TNR: variants seen among roughly 807,000 people sequenced by gnomAD.
TNR encodes tenascin R.
In TNR, 45 loss-of-function variants were observed where a neutral mutation model predicts 150.4. That is an observed-to-expected ratio of 0.30 (90% CI 0.24 to 0.38). TNR has a LOEUF of 0.38. Among genes scored for constraint, TNR ranks in the 10% least tolerant of loss-of-function variants. The probability of loss-of-function intolerance (pLI) is 1.00; values close to 1 mark genes in which losing one functional copy is unlikely to be tolerated. For synonymous variants in TNR, 687 were observed against 678.4 expected (o/e 1.01, Z -0.20); for missense variants, 1,544 against 1,759.1 (o/e 0.88, Z 2.19).
intron 1 of TNR, among the ~76,000 whole-genome samples, chr1:175,661,227 C>A (rs570265963): frequency 4.6e-5 from 7 of 152,320 alleles, no homozygotes; most frequent in African/African-American, 1.7e-4. Context: ...CTCGCTGAGG[C>A]ACCAGACACA....
At chr1:175,421,662 A>G (rs1402721243) in intron 2 of TNR, among the ~76,000 whole-genome samples, 1 of 152,238 alleles carries the variant, frequency 6.6e-6, no homozygotes, top group South Asian at 2.1e-4. Flanking sequence ...TATTAAGTCA[A>G]CAAGGAATAT....
At chr1:175,522,078 T>C (rs1157513397) in intron 2 of TNR, among the ~76,000 whole-genome samples, 1 of 152,200 alleles carries the variant, frequency 6.6e-6, no homozygotes, top group African/African-American at 2.4e-5. Flanking sequence ...TAATTTTCCT[T>C]TAGCTGCCTT....
intron 2 of TNR, among the ~76,000 whole-genome samples, chr1:175,446,994 A>G (rs768100447): frequency 2.6e-5 from 4 of 152,092 alleles, no homozygotes; most frequent in Non-Finnish European, 5.9e-5. Flanking sequence ...GTATGGGCAT[A>G]TGTGTTATGT....
intron 4 of TNR, among the ~76,000 whole-genome samples, chr1:175,402,115 G>A (rs1415127978): frequency 4.0e-5 from 6 of 151,578 alleles, no homozygotes; most frequent in Admixed American, 3.9e-4. Context: ...AGACCATCCT[G>A]GCTAACAAGG....
chr1:175,696,324 C>T (rs1183527314), intron 1 of TNR, among the ~76,000 whole-genome samples: 2 of 150,312 alleles, frequency 1.3e-5, no homozygotes, highest in East Asian at 3.9e-4. Context: ...CTGGGAGTGC[C>T]ATTCCTCCTT....
At chr1:175,595,060 A>G (rs567421277) in intron 1 of TNR, among the ~76,000 whole-genome samples, 29 of 151,656 alleles carry the variant, frequency 1.9e-4, no homozygotes, top group Non-Finnish European at 2.2e-4. Context: ...CCAGCTACTC[A>G]GGAGGCTGAG....
intron 2 of TNR, among the ~76,000 whole-genome samples, chr1:175,451,268 C>T (rs1009246891): frequency 4.7e-5 from 7 of 149,828 alleles, no homozygotes; most frequent in African/African-American, 1.7e-4. Flanking sequence ...ACGTGCACAA[C>T]GTGCAGGTTT....
intron 21 of TNR, 100 bp downstream of exon 21, chr1:175,329,974 C>T (rs1649638368): frequency 4.7e-6 from 6 of 1,282,778 alleles, no homozygotes; most frequent in Non-Finnish European, 1.0e-6. Flanking sequence ...TGCTGGAACT[C>T]TGTGGGTGCT....
chr1:175,599,219 GTCAGCT>G lies in TNR; in HGVS notation c.-164-70856_-164-70851del, dbSNP rs1663129606. Among the ~76,000 whole-genome samples the G allele has an allele frequency of 6.6e-6, 1 of 152,214 alleles. No individual in the cohort carries two copies. Among genetic ancestry groups the G allele is most frequent in the Admixed American group, 6.5e-5 (1 of 15,286 alleles). The stretch of plus-strand genomic sequence containing the variant: ...TGTCCCCAGCTGCCAGATGGGAAGT[GTCAGCT>G]TGGCCTTGGCCACCTCGGGTCACCG... On this transcript the variant is annotated intron_variant, in intron 1 of 22. Transcript: ENST00000367674. The surrounding 1 kb of genome is among the most constrained non-coding windows in gnomAD (Gnocchi z 4.7).
At chr1:175,377,214 A>G (rs535611606) in intron 9 of TNR, among the ~76,000 whole-genome samples, 2 of 152,298 alleles carry the variant, frequency 1.3e-5, no homozygotes, top group South Asian at 2.1e-4. Flanking sequence ...TAAAGAAGCT[A>G]TAACTGTATG....
intron 1 of TNR, among the ~76,000 whole-genome samples, chr1:175,742,057 T>C (rs1343009470): frequency 6.6e-6 from 1 of 152,134 alleles, no homozygotes; most frequent in Non-Finnish European, 1.5e-5. Context: ...ACACCACTTG[T>C]TGAATGACTC....
At chr1:175,355,813 T>C (rs1651297423) in intron 16 of TNR, among the ~76,000 whole-genome samples, 180 bp from the exon 17 acceptor site, 3 of 152,158 alleles carry the variant, frequency 2.0e-5, no homozygotes, top group Admixed American at 6.5e-5. Flanking sequence ...AATCATTCAG[T>C]GCCACGATCA....
In TNR at chr1:175,400,646, T is replaced by C. The variant is rs533592390; in HGVS notation, c.976+2494A>G. Among the ~76,000 whole-genome samples, 5 of 152,272 alleles carry C rather than the reference T, an allele frequency of 3.3e-5. No homozygotes were observed. In the South Asian group the frequency reaches 8.3e-4, roughly 25 times the overall value. On this transcript the variant is annotated intron_variant, in intron 4 of 22. Transcript: ENST00000367674. ...CAATCCACACAATGGGCAGCTATTT[T>C]CTACGCCCTTGCCAAAGAGAAAAGA...
intron 1 of TNR, among the ~76,000 whole-genome samples, chr1:175,711,217 T>TG (rs1667004683): frequency 6.6e-6 from 1 of 152,060 alleles, no homozygotes; most frequent in Non-Finnish European, 1.5e-5. Flanking sequence ...CTGGGAGTGC[T>TG]GGGGGTGTGA....
intron 8 of TNR, among the ~76,000 whole-genome samples, chr1:175,384,036 C>T (rs1456441217): frequency 2.0e-5 from 3 of 152,214 alleles, no homozygotes; most frequent in East Asian, 3.8e-4. Context: ...TTTCCTGGGC[C>T]ACCAGCCAAT....
At chr1:175,698,526 A>T (rs1485919785) in intron 1 of TNR, among the ~76,000 whole-genome samples, 1 of 152,040 alleles carries the variant, frequency 6.6e-6, no homozygotes, top group Non-Finnish European at 1.5e-5. Flanking sequence ...GAGTGGAAAG[A>T]GCAAAGCCAG....
intron 2 of TNR, among the ~76,000 whole-genome samples, chr1:175,426,297 G>A (rs1654964921): frequency 6.6e-6 from 1 of 152,104 alleles, no homozygotes; most frequent in Admixed American, 6.5e-5. Flanking sequence ...CCTTTGAGGG[G>A]TGTTGCTTCT....
chr1:175,634,078 T>C (rs1390332559), intron 1 of TNR, among the ~76,000 whole-genome samples: 2 of 152,176 alleles, frequency 1.3e-5, no homozygotes, highest in Non-Finnish European at 2.9e-5. Flanking sequence ...CTAATCTATG[T>C]AACCACTTGA....
chr1:175,708,095 G>T (rs1448990036), intron 1 of TNR, among the ~76,000 whole-genome samples: 1 of 151,600 alleles, frequency 6.6e-6, no homozygotes, highest in Non-Finnish European at 1.5e-5. Context: ...TCTTAATGCA[G>T]CAAGGCTGGG....
Sources: allele counts gnomAD v4.1 joint callset (sites outside exome capture counted in the v4.1 genomes callset), GRCh38; gene constraint gnomAD v4.1.1; non-coding constraint Gnocchi (gnomAD v3.1); transcripts MANE v1.5; gene names NCBI Gene and HGNC (gene_info 2026-07-23, HGNC 2026-07-21).